The following BAIAP2L1 variants were observed in gnomAD, a reference collection of about 807,000 sequenced individuals.
BAIAP2L1 encodes the protein BAR/IMD domain containing adaptor protein 2 like 1, also known as BAR/IMD domain-containing adapter protein 2-like 1.
Under a neutral mutation model 66.3 loss-of-function variants are expected in BAIAP2L1, and 35 were observed. The observed-to-expected ratio is 0.53, with a 90% CI of 0.40 to 0.70. BAIAP2L1 has a LOEUF of 0.70. BAIAP2L1 is among the 30% of genes least tolerant of loss of function. The pLI is 0.00. For missense variants in BAIAP2L1, 622 were observed against 656.9 expected (o/e 0.95, Z 0.58); for synonymous variants, 269 against 248.7 (o/e 1.08, Z -0.77).
At chr7:98,361,024 T>C (rs538052253) in intron 2 of BAIAP2L1, among the ~76,000 whole-genome samples, 1 of 152,248 alleles carries the variant, frequency 6.6e-6, no homozygotes, top group Admixed American at 6.5e-5. Flanking sequence ...GGCCACAGGT[T>C]TATTTTCAAA....
chr7:98,377,388 T>C (rs953883311), intron 1 of BAIAP2L1, among the ~76,000 whole-genome samples: 1 of 152,190 alleles, frequency 6.6e-6, no homozygotes, highest in African/African-American at 2.4e-5. Context: ...ACTCCCAAAT[T>C]TGAAGACAGC....
chr7:98,357,020 A>AAAAAAAT (rs1554337328), intron 2 of BAIAP2L1, among the ~76,000 whole-genome samples: 1 of 28,098 alleles, frequency 3.6e-5, no homozygotes, highest in African/African-American at 2.3e-4. Flanking sequence ...AAAAAAAAAA[A>AAAAAAAT]ATATATATAT....
At chr7:98,358,791 G>T (rs1458531963) in intron 2 of BAIAP2L1, among the ~76,000 whole-genome samples, 1 of 152,104 alleles carries the variant, frequency 6.6e-6, no homozygotes, top group East Asian at 1.9e-4. Flanking sequence ...TCCTCCCACT[G>T]CCCATGAGGT....
intron 3 of BAIAP2L1, among the ~76,000 whole-genome samples, chr7:98,321,020 C>T (rs1192763892): frequency 1.3e-5 from 2 of 152,102 alleles, no homozygotes; most frequent in Admixed American, 6.6e-5. Flanking sequence ...CCACACTCAG[C>T]TATTTTTTTG....
intron 12 of BAIAP2L1, among the ~76,000 whole-genome samples, chr7:98,299,418 A>G (rs556550931): frequency 3.8e-4 from 58 of 152,214 alleles, no homozygotes; most frequent in Admixed American, 8.5e-4. Flanking sequence ...TCGGCCTCCC[A>G]AAGTGCTGGG....
At chr7:98,319,687 C>T (rs1801189406) in intron 5 of BAIAP2L1, among the ~76,000 whole-genome samples, 1 of 151,930 alleles carries the variant, frequency 6.6e-6, no homozygotes, top group South Asian at 2.1e-4. Context: ...GCTGGGATGA[C>T]AGGCATGCAC....
chr7:98,380,775 C>CACCACCGCCACT (rs1319122562), intron 1 of BAIAP2L1, among the ~76,000 whole-genome samples: 4 of 149,240 alleles, frequency 2.7e-5, no homozygotes, highest in African/African-American at 9.9e-5. Flanking sequence ...AAGGAACCAC[C>CACCACCGCCACT]ACCACCGCCA....
At chr7:98,355,575 A>G (rs78622137) in intron 2 of BAIAP2L1, 1 of 164,494 alleles carries the variant, frequency 6.1e-6, no homozygotes, top group Admixed American at 5.7e-5. Context: ...AAAAAAATAC[A>G]TAAATTAGCC....
At chr7:98,327,679 A>G (rs1003167899) in intron 3 of BAIAP2L1, among the ~76,000 whole-genome samples, 3 of 152,236 alleles carry the variant, frequency 2.0e-5, no homozygotes, top group African/African-American at 7.2e-5. Flanking sequence ...GTCTCAAAAA[A>G]AAAAGAAAAG....
chr7:98,305,546 A>G (rs950850058), intron 11 of BAIAP2L1, among the ~76,000 whole-genome samples: 2 of 152,092 alleles, frequency 1.3e-5, no homozygotes, highest in Non-Finnish European at 2.9e-5. Context: ...CAGCCTCCAG[A>G]GTAGATGGGA....
At chr7:98,329,460 G>A (rs185381659) in intron 3 of BAIAP2L1, among the ~76,000 whole-genome samples, 1 of 152,262 alleles carries the variant, frequency 6.6e-6, no homozygotes, top group African/African-American at 2.4e-5. Flanking sequence ...ACACTTTCAT[G>A]AGTTTTACGT....
chr7:98,345,927 A>AAG (rs1375592333), intron 3 of BAIAP2L1, among the ~76,000 whole-genome samples: 1 of 152,090 alleles, frequency 6.6e-6, no homozygotes, highest in African/African-American at 2.4e-5. Flanking sequence ...AAAAAAAAAA[A>AAG]AGAGACAATA....
intron 1 of BAIAP2L1, among the ~76,000 whole-genome samples, chr7:98,372,279 G>A (rs957812414): frequency 1.1e-4 from 16 of 151,978 alleles, no homozygotes; most frequent in African/African-American, 3.4e-4. Flanking sequence ...GGGGACGGGC[G>A]CCTGTAGTCC....
intron 11 of BAIAP2L1, among the ~76,000 whole-genome samples, chr7:98,305,040 GTTTTTTGT>G (rs1371253882): frequency 2.9e-4 from 25 of 87,142 alleles, no homozygotes; most frequent in African/African-American, 1.0e-3. Context: ...TAATTTTTTT[GTTTTTTGT>G]TTTTTTTTTT....
At chr7:98,306,845 T>C (rs953387473) in intron 10 of BAIAP2L1, 1 of 329,012 alleles carries the variant, frequency 3.0e-6, no homozygotes, top group Non-Finnish European at 5.8e-6. Flanking sequence ...TAGCTGTGAC[T>C]AGAAGTGTGC....
rs528332601 is a variant in BAIAP2L1 at position 98,292,581 on chromosome 7, T to G, written c.*940A>C. ...GTGCGTAGTCCTCACATCCATACCA[T>G]AGGGCCAGGTTCCGAGGGCATCATG... On this transcript the variant is annotated 3_prime_UTR_variant, in exon 14 of 14. Transcript: ENST00000005260. 1,257 of 1,505,750 alleles carry G rather than the reference T, an allele frequency of 8.3e-4. 2 individuals are homozygous for G. The highest frequency in any genetic ancestry group is 6.7e-4 in the Non-Finnish European group (737 of 1,105,358). 93.3% of individuals were successfully genotyped at this position (1,505,750 alleles called of 1,614,324 possible). A position where few individuals can be genotyped will look rare whatever the true frequency, so the allele number is the denominator to read the frequency against.
In BAIAP2L1 at chr7:98,342,990, A is replaced by T. The variant is rs553968131; in HGVS notation, c.214+12052T>A. On this transcript the variant is annotated intron_variant, in intron 3 of 13. Coordinates refer to ENST00000005260, the MANE Select transcript of BAIAP2L1 (RefSeq NM_018842.5). Reference sequence around the variant, plus strand: ...AGGATTAACCTTTATCACGTGTGATAAAGGATTTAACTTTATCACACGTGA... The same window carrying T: ...AGGATTAACCTTTATCACGTGTGATTAAGGATTTAACTTTATCACACGTGA... 6.4e-4 allele frequency among the ~76,000 whole-genome samples: 97 copies of T among 152,032 alleles called. 1 individual carries two copies. In the South Asian group the frequency reaches 0.02, roughly 31 times the overall value.
intron 3 of BAIAP2L1, among the ~76,000 whole-genome samples, chr7:98,336,074 T>A (rs1269515050): frequency 6.7e-6 from 1 of 149,892 alleles, no homozygotes; most frequent in Non-Finnish European, 1.5e-5. Context: ...ATATCTCACT[T>A]ATAAGTGGGA....
chr7:98,311,421 G>A (rs753486893), intron 8 of BAIAP2L1, among the ~76,000 whole-genome samples: 26 of 151,960 alleles, frequency 1.7e-4, no homozygotes, highest in Non-Finnish European at 1.8e-4. Flanking sequence ...GCGGGCGCCT[G>A]TAGTCCCAGC....
Sources: allele counts gnomAD v4.1 joint callset (sites outside exome capture counted in the v4.1 genomes callset), GRCh38; gene constraint gnomAD v4.1.1; transcripts MANE v1.5; gene names NCBI Gene and HGNC (gene_info 2026-07-23, HGNC 2026-07-21).